CCL28: variants seen among roughly 807,000 people sequenced by gnomAD.
CCL28 encodes the protein C-C motif chemokine 28.
A neutral mutation model predicts 7.1 loss-of-function variants in CCL28; 4 were observed. The observed-to-expected ratio is 0.56, with a 90% confidence interval of 0.28 to 1.29. The LOEUF (loss-of-function observed/expected upper bound fraction) is 1.29, where lower values mean the gene tolerates loss of function less well. Ranked by LOEUF, CCL28 falls within the 50% of genes most tolerant of loss-of-function variation. CCL28 has a pLI of 0.11. For missense variants in CCL28, 151 were observed against 163.4 expected, an observed-to-expected ratio of 0.92 and a Z score of 0.41; for synonymous variants, 55 against 57.8, an observed-to-expected ratio of 0.95 and a Z score of 0.22.
intron 1 of CCL28, among the ~76,000 whole-genome samples, chr5:43,398,990 A>T (rs1740926658): frequency 6.6e-6 from 1 of 152,134 alleles, no homozygotes; most frequent in Non-Finnish European, 1.5e-5. Flanking sequence ...AATTTTTACT[A>T]TGTCAGTAAC....
At chr5:43,363,317 G>C in the CCL28 span, among the ~76,000 whole-genome samples, 1 of 152,150 alleles carries the variant, frequency 6.6e-6, no homozygotes, top group Non-Finnish European at 1.5e-5. Flanking sequence ...TAGTGGGCTA[G>C]GCACCAGGAA....
At chr5:43,396,471 C>T (rs1219219831) in intron 1 of CCL28, among the ~76,000 whole-genome samples, 2 of 152,270 alleles carry the variant, frequency 1.3e-5, no homozygotes, top group South Asian at 4.1e-4. Context: ...TGCTCTGGTT[C>T]ACTCGCCTCT....
At chr5:43,361,506 T>A in the CCL28 span, among the ~76,000 whole-genome samples, 2,057 of 152,344 alleles carry the variant, frequency 0.014, 38 homozygotes, top group East Asian at 0.084. Flanking sequence ...AGACCCTATT[T>A]ATCAATTTTT....
At chr5:43,406,269 T>C (rs1212121847) in intron 1 of CCL28, among the ~76,000 whole-genome samples, 2 of 151,932 alleles carry the variant, frequency 1.3e-5, no homozygotes, top group African/African-American at 2.4e-5. Flanking sequence ...ACAAACCAAA[T>C]CCAGCAGTAC....
intron 1 of CCL28, among the ~76,000 whole-genome samples, chr5:43,407,990 A>C (rs1223617151): frequency 1.3e-5 from 2 of 152,242 alleles, no homozygotes; most frequent in Non-Finnish European, 2.9e-5. Context: ...TCAGGAAACA[A>C]CAGGTGCTGG....
At position 43,405,533 on chromosome 5, in the gene CCL28, A is replaced by G. The variant is rs182591548; in HGVS notation, c.64+6720T>C. On this transcript the variant is annotated intron_variant, in intron 1 of 2. Transcript: ENST00000361115. ...GAAATTTATAGCACTACATGTGAAC[A>G]AGAGAAAGCAGGAAAGATCTAAAAT... 3.8e-3 allele frequency among the ~76,000 whole-genome samples: 583 copies of G among 152,362 alleles called. 2 individuals carry two copies. Among genetic ancestry groups the G allele is most frequent in the Admixed American group, 5.4e-3 (83 of 15,304 alleles).
chr5:43,403,790 A>C (rs1340252086), intron 1 of CCL28, among the ~76,000 whole-genome samples: 4 of 152,226 alleles, frequency 2.6e-5, no homozygotes, highest in Non-Finnish European at 5.9e-5. Flanking sequence ...GCTAACTATA[A>C]TAACCAATGC....
At chr5:43,388,573 A>T in intron 1 of CCL28, 97 bp from the exon 2 acceptor site, 1 of 1,263,710 alleles carries the variant, frequency 7.9e-7, no homozygotes, top group South Asian at 1.5e-5. Context: ...ATGTTAATCC[A>T]CACAAACAAG....
At chr5:43,405,264 A>C (rs1307309454) in intron 1 of CCL28, among the ~76,000 whole-genome samples, 1 of 152,244 alleles carries the variant, frequency 6.6e-6, no homozygotes, top group Non-Finnish European at 1.5e-5. Flanking sequence ...ACTGCTCTGC[A>C]AATGTAAAAG....
chr5:43,358,467 ATC>A, the CCL28 span, among the ~76,000 whole-genome samples: 1 of 152,224 alleles, frequency 6.6e-6, no homozygotes, highest in East Asian at 1.9e-4. Context: ...AGATTTGGCT[ATC>A]TTTCTCTCTT....
chr5:43,366,883 G>C, the CCL28 span, among the ~76,000 whole-genome samples: 1 of 152,222 alleles, frequency 6.6e-6, no homozygotes, highest in Non-Finnish European at 1.5e-5. Flanking sequence ...TGGCTACAGC[G>C]GCTTTGCTGA....
chr5:43,392,274 G>A (rs1009037041), intron 1 of CCL28, among the ~76,000 whole-genome samples: 1 of 152,164 alleles, frequency 6.6e-6, no homozygotes, highest in African/African-American at 2.4e-5. Context: ...GTGCCAACAC[G>A]CCTGTTTAAT....
chr5:43,364,455 G>T, the CCL28 span, among the ~76,000 whole-genome samples: 1 of 151,740 alleles, frequency 6.6e-6, no homozygotes, highest in Non-Finnish European at 1.5e-5. Context: ...ACATCAAATT[G>T]TACCCCATAA....
At chr5:43,393,849 G>T (rs1740686491) in intron 1 of CCL28, among the ~76,000 whole-genome samples, 1 of 152,188 alleles carries the variant, frequency 6.6e-6, no homozygotes, top group Non-Finnish European at 1.5e-5. Context: ...TTAGCTCAGG[G>T]TCTCTCACAA....
chr5:43,395,097 T>A (rs1488957174), intron 1 of CCL28, among the ~76,000 whole-genome samples: 1 of 150,838 alleles, frequency 6.6e-6, no homozygotes, highest in Admixed American at 6.6e-5. Flanking sequence ...AGATAAAGAT[T>A]TTCTGTTCCT....
rs181283981 is a variant in CCL28, at chr5:43,381,241, T to C, written c.*619A>G. ...GACACAATATTAACAATGATTAATA[T>C]TGTGGTGAAAGATATATAGATGTTC... On this transcript the variant is annotated 3_prime_UTR_variant, in exon 3 of 3. Coordinates refer to ENST00000361115, the MANE Select transcript of CCL28 (RefSeq NM_148672.3). The C allele has an allele frequency of 3.3e-5, 5 of 152,294 alleles. No individual in the cohort carries two copies. The East Asian group carries it at 9.6e-4, about 29-fold the overall frequency. 9.4% of individuals were successfully genotyped at this position (152,294 alleles called of 1,614,324 possible).
At chr5:43,376,360 G>T (rs137975581), downstream of CCL28, among the ~76,000 whole-genome samples, 1 of 152,262 alleles carries the variant, frequency 6.6e-6, no homozygotes, top group African/African-American at 2.4e-5. Context: ...CATCTGGTGG[G>T]TAGAGGCCAG....
chr5:43,383,726 T>C (rs1740219305), intron 2 of CCL28, among the ~76,000 whole-genome samples: 1 of 152,166 alleles, frequency 6.6e-6, no homozygotes, highest in Non-Finnish European at 1.5e-5. Context: ...GCTCCTACCC[T>C]TTCCAGAGGA....
chr5:43,369,391 A>T, the CCL28 span, among the ~76,000 whole-genome samples: 2 of 152,198 alleles, frequency 1.3e-5, no homozygotes, highest in Non-Finnish European at 2.9e-5. Flanking sequence ...ATGTTTCCTG[A>T]TATGTATGTT....
Sources: allele counts gnomAD v4.1 joint callset (sites outside exome capture counted in the v4.1 genomes callset), GRCh38; gene constraint gnomAD v4.1.1; transcripts MANE v1.5; gene names NCBI Gene and HGNC (gene_info 2026-07-23, HGNC 2026-07-21).